Variants in ACMSD observed in about 807,000 individuals in gnomAD.
ACMSD encodes aminocarboxymuconate semialdehyde decarboxylase.
ACMSD carries 37 observed loss-of-function variants against 45.9 expected under a neutral mutation model. The ratio of observed to expected loss-of-function variants is 0.81; its 90% CI spans 0.62 to 1.06. ACMSD has a LOEUF of 1.06. Among genes scored for constraint, ACMSD ranks in the 50% least tolerant of loss-of-function variants. ACMSD has a pLI of 0.00. For synonymous variants in ACMSD, 138 were observed against 148.8 expected (o/e 0.93, Z 0.53); for missense variants, 434 against 420.9 (o/e 1.03, Z -0.27).
At chr2:134,890,401 A>T (rs988765379) in intron 8 of ACMSD, among the ~76,000 whole-genome samples, 12 of 152,078 alleles carry the variant, frequency 7.9e-5, no homozygotes, top group Non-Finnish European at 1.0e-4. Flanking sequence ...AAGAGTGACA[A>T]AAAAGGCCAA....
intron 4 of ACMSD, among the ~76,000 whole-genome samples, 176 bp from the exon 5 acceptor site, chr2:134,863,219 T>C (rs1055770608): frequency 5.3e-5 from 8 of 152,238 alleles, no homozygotes; most frequent in African/African-American, 1.4e-4. Context: ...TTTACAAAGA[T>C]TGGCTTCTCG....
At chr2:134,888,717 G>C (rs1689602903) in intron 8 of ACMSD, among the ~76,000 whole-genome samples, 1 of 150,856 alleles carries the variant, frequency 6.6e-6, no homozygotes, top group Non-Finnish European at 1.5e-5. Context: ...CTTACAAAAG[G>C]CTGAATGAAT....
chr2:134,895,366 T>TC lies in ACMSD; in HGVS notation c.850-2975_850-2974insC, dbSNP rs1690073194. ...ATATATATAACATATATAATATATA[T>TC]ATATGTTACAAAACATTGTTGAAGA... On this transcript the variant is annotated intron_variant, in intron 8 of 9. Coordinates refer to ENST00000356140, the MANE Select transcript of ACMSD (RefSeq NM_138326.3). Among the ~76,000 whole-genome samples, 3 of 80,930 alleles carry TC rather than the reference T, an allele frequency of 3.7e-5. 1 individual carries two copies. The highest frequency in any genetic ancestry group is 9.2e-4 in the East Asian group (2 of 2,166). 53.1% of individuals were successfully genotyped at this position (80,930 alleles called of 152,430 possible). A position where few individuals can be genotyped will look rare whatever the true frequency, so the allele number is the denominator to read the frequency against.
At chr2:134,853,180 A>AAG (rs1348633011) in intron 2 of ACMSD, among the ~76,000 whole-genome samples, 1 of 150,094 alleles carries the variant, frequency 6.7e-6, no homozygotes, top group Non-Finnish European at 1.5e-5. Context: ...AAAAAAAAAA[A>AAG]AAAAAAGGAA....
At chr2:134,881,077 G>A (rs1282674872) in intron 8 of ACMSD, among the ~76,000 whole-genome samples, 1 of 152,178 alleles carries the variant, frequency 6.6e-6, no homozygotes, top group African/African-American at 2.4e-5. Flanking sequence ...TCAGCTCACC[G>A]CATCCTCTGC....
chr2:134,886,246 A>ATTATTATTATTATTATTATTATTTTTTT, intron 8 of ACMSD, among the ~76,000 whole-genome samples: 7 of 115,472 alleles, frequency 6.1e-5, no homozygotes, highest in Non-Finnish European at 1.1e-4. Flanking sequence ...TATTATTATT[A>ATTATTATTATTATTATTATTATTTTTTT]TTTTTTTTTT....
At chr2:134,849,795 C>A (rs931168960) in intron 2 of ACMSD, among the ~76,000 whole-genome samples, 1 of 152,160 alleles carries the variant, frequency 6.6e-6, no homozygotes, top group Non-Finnish European at 1.5e-5. Context: ...GTTTGTATGA[C>A]AACCTGCCAG....
chr2:134,855,822 G>A (rs1020175839), intron 2 of ACMSD, among the ~76,000 whole-genome samples: 1 of 152,224 alleles, frequency 6.6e-6, no homozygotes, highest in Non-Finnish European at 1.5e-5. Context: ...TGCAGGAGAT[G>A]GAGTAGAAGG....
intron 8 of ACMSD, among the ~76,000 whole-genome samples, chr2:134,885,885 C>T (rs1324952275): frequency 2.0e-5 from 3 of 152,002 alleles, no homozygotes; most frequent in Admixed American, 1.3e-4. Context: ...AATTATTTCC[C>T]GAGGAAAAGC....
intron 1 of ACMSD, among the ~76,000 whole-genome samples, chr2:134,843,599 C>T (rs1686909013): frequency 2.6e-5 from 4 of 152,144 alleles, no homozygotes. Context: ...CCCTGCACCA[C>T]AGCATGAGAA....
intron 8 of ACMSD, among the ~76,000 whole-genome samples, chr2:134,892,374 C>G (rs1272581164): frequency 2.0e-5 from 3 of 151,892 alleles, no homozygotes; most frequent in African/African-American, 7.2e-5. Flanking sequence ...GTGAAAAGCT[C>G]CATTACTATT....
At chr2:134,869,523 T>C (rs1043465628) in intron 6 of ACMSD, among the ~76,000 whole-genome samples, 5 of 152,126 alleles carry the variant, frequency 3.3e-5, no homozygotes, top group African/African-American at 7.2e-5. Flanking sequence ...CACAAACTTA[T>C]TTATATTGCA....
intron 8 of ACMSD, among the ~76,000 whole-genome samples, chr2:134,897,966 C>T (rs541766745): frequency 2.7e-5 from 4 of 147,380 alleles, no homozygotes; most frequent in African/African-American, 9.9e-5. Flanking sequence ...TTTTGAAAAA[C>T]TGTGGAATCA....
At chr2:134,839,858 T>C (rs1394491693) in intron 1 of ACMSD, among the ~76,000 whole-genome samples, 3 of 152,148 alleles carry the variant, frequency 2.0e-5, no homozygotes, top group African/African-American at 7.2e-5. Context: ...GCTGTTGTCC[T>C]CATCATAGTT....
chr2:134,850,980 A>G (rs967584277), intron 2 of ACMSD, among the ~76,000 whole-genome samples: 4 of 152,090 alleles, frequency 2.6e-5, no homozygotes, highest in Non-Finnish European at 5.9e-5. Flanking sequence ...CCCAGTGTCT[A>G]CTGTTGCCAT....
chr2:134,877,276 T>C (rs763436597), intron 8 of ACMSD, among the ~76,000 whole-genome samples: 2 of 152,212 alleles, frequency 1.3e-5, no homozygotes, highest in African/African-American at 2.4e-5. Context: ...AGTCTGTCAT[T>C]GACCAAAACA....
intron 2 of ACMSD, among the ~76,000 whole-genome samples, chr2:134,848,402 T>C (rs1460909384): frequency 6.6e-6 from 1 of 152,206 alleles, no homozygotes; most frequent in African/African-American, 2.4e-5. Flanking sequence ...ACCAACAGTA[T>C]AAAAGCATTC....
At chr2:134,898,021 T>C (rs1459343801) in intron 8 of ACMSD, among the ~76,000 whole-genome samples, 2 of 151,486 alleles carry the variant, frequency 1.3e-5, no homozygotes, top group Admixed American at 6.6e-5. Context: ...CTTAATTTCA[T>C]CTGAATATAT....
At chr2:134,858,458 C>CAA (rs1687684791) in intron 2 of ACMSD, among the ~76,000 whole-genome samples, 1 of 151,822 alleles carries the variant, frequency 6.6e-6, no homozygotes, top group South Asian at 2.1e-4. Context: ...AATATGGTGA[C>CAA]TATAGTTAAT....
Sources: gnomAD v4.1 joint callset for allele counts (sites outside exome capture counted in the v4.1 genomes callset) on GRCh38, gnomAD v4.1.1 for gene constraint, MANE v1.5 for transcripts, NCBI Gene and HGNC (gene_info 2026-07-23, HGNC 2026-07-21) for gene names.